Variants in LRRC52 observed in about 807,000 individuals in gnomAD.
The protein encoded by LRRC52 is leucine-rich repeat-containing protein 52.
LRRC52 carries 15 observed loss-of-function variants against 14.7 expected under a neutral mutation model. The ratio of observed to expected loss-of-function variants is 1.02; its 90% CI spans 0.68 to 1.58. The LOEUF (loss-of-function observed/expected upper bound fraction) is 1.58. Ranked by LOEUF, LRRC52 falls within the 40% of genes most tolerant of loss-of-function variation. LRRC52 has a pLI of 0.00. For synonymous variants in LRRC52, 180 were observed against 163.9 expected, an observed-to-expected ratio of 1.10 and a Z score of -0.75; for missense variants, 400 against 387.7, an observed-to-expected ratio of 1.03 and a Z score of -0.27.
chr1:165,544,068 A>G lies in LRRC52; in HGVS notation c.-229A>G. The G allele has an allele frequency of 1.7e-6, 1 of 577,184 alleles. No homozygotes were observed. Among genetic ancestry groups the G allele is most frequent in the Non-Finnish European group, 3.0e-6 (1 of 328,672 alleles). 35.8% of individuals were successfully genotyped at this position (577,184 alleles called of 1,614,324 possible). Reference sequence around the variant, plus strand: ...GCTGCCAAGTGGGCAAGCTTCCAGCAGCAGTCTGGGAGCGAGCGACAGAGC... The same window carrying G: ...GCTGCCAAGTGGGCAAGCTTCCAGCGGCAGTCTGGGAGCGAGCGACAGAGC... On this transcript the variant is annotated 5_prime_UTR_variant, in exon 1 of 2. Coordinates refer to ENST00000294818, the MANE Select transcript of LRRC52 (RefSeq NM_001005214.4).
chr1:165,561,968 C>T (rs117839319), intron 1 of LRRC52, among the ~76,000 whole-genome samples: 1 of 152,346 alleles, frequency 6.6e-6, no homozygotes, highest in East Asian at 1.9e-4. Context: ...ATTTACCTAA[C>T]TGAACCTGAT....
At chr1:165,545,168 C>G (rs72693830) in intron 1 of LRRC52, among the ~76,000 whole-genome samples, 1 of 152,094 alleles carries the variant, frequency 6.6e-6, no homozygotes, top group Non-Finnish European at 1.5e-5. Flanking sequence ...GAAAATGTCA[C>G]CATTTCTCTG....
At position 165,544,208 on chromosome 1, in the gene LRRC52, T is replaced by TCCCCCCCCCCCCC; in HGVS notation, c.-84_-83insCCCCCCCCCCCCC. 4 of 448,100 alleles carry TCCCCCCCCCCCCC rather than the reference T, an allele frequency of 8.9e-6. No homozygotes were observed. Among genetic ancestry groups the TCCCCCCCCCCCCC allele is most frequent in the African/African-American group, 2.3e-5 (1 of 42,612 alleles). The allele number at this position is 448,100 out of a possible 1,614,324, so 27.8% of individuals were successfully genotyped here. ...GTGTTACAGTTCTTTCCAGAGCCCC[T>TCCCCCCCCCCCCC]CCCCCGCCCCACCCCCCCACCGGCA... is the stretch of plus-strand genomic sequence containing the variant. On this transcript the variant is annotated 5_prime_UTR_variant, in exon 1 of 2. Coordinates refer to ENST00000294818, the MANE Select transcript of LRRC52 (RefSeq NM_001005214.4).
rs1358881200 is a variant in LRRC52, at chr1:165,560,350, T to C, written c.623-3155T>C. On this transcript the variant is annotated intron_variant, in intron 1 of 1. Transcript: ENST00000294818. ...ATAGTAGGATTAACCTAGAATCTCA[T>C]AATTTAAAAAAGTACCAGAACATCC... Among the ~76,000 whole-genome samples, 3 of 152,320 alleles carry C rather than the reference T, an allele frequency of 2.0e-5. No individual in the cohort carries two copies. In the East Asian group the frequency reaches 5.8e-4, roughly 29 times the overall value.
Position 165,563,487 on chromosome 1 carries a change from C to T in LRRC52, c.623-18C>T, listed in dbSNP as rs1661389978. On this transcript the variant is annotated intron_variant, in intron 1 of 1. Transcript: ENST00000294818. ...TCACGCTGTTTCAGCACCCTGCCTGCTGTGTTTTTCTTCTTAGATGATCTA... is the reference window on the plus strand; with the variant it reads ...TCACGCTGTTTCAGCACCCTGCCTGTTGTGTTTTTCTTCTTAGATGATCTA... The T allele has an allele frequency of 1.3e-6, 2 of 1,599,164 alleles. No individual in the cohort carries two copies. Among genetic ancestry groups the T allele is most frequent in the Admixed American group, 1.7e-5 (1 of 59,238 alleles).
intron 1 of LRRC52, among the ~76,000 whole-genome samples, chr1:165,557,688 G>C (rs1246078687): frequency 6.6e-6 from 1 of 152,156 alleles, no homozygotes; most frequent in African/African-American, 2.4e-5. Context: ...TGATATTTGG[G>C]TGGACTGGGG....
chr1:165,546,878 A>C (rs1291080758), intron 1 of LRRC52, among the ~76,000 whole-genome samples: 1 of 152,188 alleles, frequency 6.6e-6, no homozygotes. Flanking sequence ...ATATTTTCCA[A>C]GACATCAGAA....
chr1:165,561,914 C>A (rs550810896), intron 1 of LRRC52, among the ~76,000 whole-genome samples: 1 of 152,356 alleles, frequency 6.6e-6, no homozygotes, highest in Non-Finnish European at 1.5e-5. Context: ...AGCCAACTTA[C>A]TTCTGTACTT....
At chr1:165,562,245 G>T (rs189779792) in intron 1 of LRRC52, among the ~76,000 whole-genome samples, 354 of 152,268 alleles carry the variant, frequency 2.3e-3, no homozygotes, top group African/African-American at 8.2e-3. Flanking sequence ...GTGCATCAAG[G>T]TTATTATTAG....
chr1:165,544,070 C>T lies in LRRC52; in HGVS notation c.-227C>T. The T allele has an allele frequency of 1.7e-6, 1 of 576,958 alleles. No homozygotes were observed. Among genetic ancestry groups the T allele is most frequent in the Non-Finnish European group, 3.0e-6 (1 of 328,862 alleles). 35.7% of individuals were successfully genotyped at this position (576,958 alleles called of 1,614,324 possible). A position where few individuals can be genotyped will look rare whatever the true frequency, so the allele number is the denominator to read the frequency against. ...TGCCAAGTGGGCAAGCTTCCAGCAGCAGTCTGGGAGCGAGCGACAGAGCCA... is the reference window on the plus strand; with the variant it reads ...TGCCAAGTGGGCAAGCTTCCAGCAGTAGTCTGGGAGCGAGCGACAGAGCCA... On this transcript the variant is annotated 5_prime_UTR_variant, in exon 1 of 2. Coordinates refer to ENST00000294818, the MANE Select transcript of LRRC52 (RefSeq NM_001005214.4).
Position 165,544,434 on chromosome 1 carries a change from A to G in LRRC52, c.138A>G (p.Glu46=). ...EVICTGKQLT[E]YPLDIPLNTR... is the part of the protein sequence containing the mutation. ...TCTGCACAGGGAAGCAGTTAACCGAATACCCCCTTGACATACCCCTGAACA... is the reference window on the plus strand; with the variant it reads ...TCTGCACAGGGAAGCAGTTAACCGAGTACCCCCTTGACATACCCCTGAACA... Residue 46 remains glutamate (E), a synonymous_variant, in exon 1 of 2, where the codon GAA becomes GAG. Transcript: ENST00000294818. The G allele has an allele frequency of 1.2e-6, 2 of 1,614,092 alleles. No homozygotes were observed. The highest frequency in any genetic ancestry group is 1.1e-5 in the South Asian group (1 of 91,078).
Position 165,563,564 on chromosome 1 carries a change from G to T in LRRC52, c.682G>T (p.Val228Leu), listed in dbSNP as rs761687403. 6.2e-6 allele frequency: 10 copies of T among 1,614,206 alleles called. No individual in the cohort carries two copies. Among genetic ancestry groups the T allele is most frequent in the Non-Finnish European group, 7.6e-6 (9 of 1,180,028 alleles). ...TELTGWPITR[V>L]GNPLRYMCIT... ...GCTGACAGGGTGGCCCATCACCCGG[G>T]TGGGGAACCCACTCCGATACATGTG... The change falls in exon 2 of 2, where the codon GTG becomes TTG. Residue 228 changes from valine to leucine, a missense_variant. Transcript: ENST00000294818.
intron 1 of LRRC52, among the ~76,000 whole-genome samples, chr1:165,560,496 G>GATGC (rs1385730956): frequency 6.6e-5 from 10 of 152,148 alleles, no homozygotes; most frequent in Non-Finnish European, 1.0e-4. Context: ...GGGGAGAAAG[G>GATGC]ATGCACATTG....
intron 1 of LRRC52, among the ~76,000 whole-genome samples, chr1:165,561,313 C>G (rs1425359329): frequency 2.6e-5 from 4 of 152,192 alleles, no homozygotes; most frequent in Admixed American, 1.3e-4. Context: ...GATAAACCCC[C>G]CTAGACACAT....
intron 1 of LRRC52, among the ~76,000 whole-genome samples, chr1:165,562,520 A>G (rs981685945): frequency 6.6e-6 from 1 of 152,138 alleles, no homozygotes; most frequent in Non-Finnish European, 1.5e-5. Context: ...CTTCTTACCT[A>G]TGTCAGTCAG....
intron 1 of LRRC52, among the ~76,000 whole-genome samples, chr1:165,551,842 A>C (rs988246574): frequency 2.6e-5 from 4 of 152,166 alleles, no homozygotes; most frequent in African/African-American, 9.7e-5. Flanking sequence ...ATTTCTACCT[A>C]CCAAGTACAA....
rs1011175465 is a variant in LRRC52 at position 165,544,660 on chromosome 1, T to C, written c.364T>C (p.Ser122Pro). The C allele has an allele frequency of 1.2e-6, 2 of 1,613,950 alleles. No homozygotes were observed. Among genetic ancestry groups the C allele is most frequent in the Non-Finnish European group, 1.7e-6 (2 of 1,180,018 alleles). ...AACCTCGATCTCCCCATTCACTTTCTCGGTGCTCAGCAACCTGGTGCAGCT... is the reference window on the plus strand; with the variant it reads ...AACCTCGATCTCCCCATTCACTTTCCCGGTGCTCAGCAACCTGGTGCAGCT... ...NLTSISPFTFSVLSNLVQLNI... is the reference protein window; with the variant it reads ...NLTSISPFTFPVLSNLVQLNI... Residue 122 changes from serine (S) to proline (P), a missense_variant, in exon 1 of 2, where the codon TCG becomes CCG. Coordinates refer to ENST00000294818, the MANE Select transcript of LRRC52 (RefSeq NM_001005214.4).
chr1:165,545,424 T>G (rs1661000814), intron 1 of LRRC52, among the ~76,000 whole-genome samples: 3 of 152,084 alleles, frequency 2.0e-5, no homozygotes. Context: ...AAGGAAAGTT[T>G]AACATAAAGA....
At chr1:165,551,299 C>T (rs1318210112) in intron 1 of LRRC52, among the ~76,000 whole-genome samples, 3 of 152,194 alleles carry the variant, frequency 2.0e-5, no homozygotes, top group African/African-American at 7.2e-5. Flanking sequence ...AGGTCCTATG[C>T]CCTGAGGTTC....
Sources: allele counts gnomAD v4.1 joint callset (sites outside exome capture counted in the v4.1 genomes callset), GRCh38; gene constraint gnomAD v4.1.1; transcripts MANE v1.5; gene names NCBI Gene and HGNC (gene_info 2026-07-23, HGNC 2026-07-21).